The following TNRC6B variants were observed in gnomAD, a reference collection of about 807,000 sequenced individuals.
The protein encoded by TNRC6B is trinucleotide repeat containing adaptor 6B, also known as trinucleotide repeat-containing gene 6B protein.
In TNRC6B, 52 loss-of-function variants were observed where a neutral mutation model predicts 203.6. The observed-to-expected ratio is 0.26, with a 90% CI of 0.20 to 0.32. The LOEUF is 0.32. Among genes scored for constraint, TNRC6B ranks in the 10% least tolerant of loss-of-function variants. TNRC6B has a pLI of 1.00. For synonymous variants in TNRC6B, 838 were observed against 845.7 expected (o/e 0.99, Z 0.16); for missense variants, 1,923 against 2,286.2 (o/e 0.84, Z 3.24).
chr22:40,255,282 T>C (rs1349341300), intron 3 of TNRC6B, among the ~76,000 whole-genome samples: 1 of 152,206 alleles, frequency 6.6e-6, no homozygotes, highest in Non-Finnish European at 1.5e-5. Flanking sequence ...TTAGGTGTTG[T>C]CCTTTGCCAC....
intron 1 of TNRC6B, among the ~76,000 whole-genome samples, chr22:40,196,409 G>T (rs1162560123): frequency 6.6e-6 from 1 of 151,992 alleles, no homozygotes; most frequent in Non-Finnish European, 1.5e-5. Flanking sequence ...GTACTTAATA[G>T]ATCTAGAGGT....
intron 1 of TNRC6B, among the ~76,000 whole-genome samples, chr22:40,048,409 C>T (rs1382468349): frequency 6.6e-6 from 1 of 152,028 alleles, no homozygotes; most frequent in East Asian, 1.9e-4. Flanking sequence ...GGTGTGGCGG[C>T]GCATGCCTGT....
chr22:40,062,646 C>T (rs1297646535), intron 1 of TNRC6B, among the ~76,000 whole-genome samples: 1 of 152,180 alleles, frequency 6.6e-6, no homozygotes, highest in Non-Finnish European at 1.5e-5. Flanking sequence ...TTGTCTGGCA[C>T]TTTTATTGTC....
Position 40,326,913 on chromosome 22 carries a change from C to T in TNRC6B, c.*3672C>T, listed in dbSNP as rs1392454156. ...AACAAGTGATTTTACTTTTTTAGCTCCCAGCTACTGTTGTGCTCGTTTTAA... is the reference window on the plus strand; with the variant it reads ...AACAAGTGATTTTACTTTTTTAGCTTCCAGCTACTGTTGTGCTCGTTTTAA... On this transcript the variant is annotated 3_prime_UTR_variant, in exon 23 of 23. Transcript: ENST00000454349. 1.3e-5 allele frequency: 2 copies of T among 152,608 alleles called. No individual in the cohort carries two copies. The highest frequency in any genetic ancestry group is 2.4e-5 in the African/African-American group (1 of 41,436). 9.5% of individuals were successfully genotyped at this position (152,608 alleles called of 1,614,324 possible).
At chr22:40,291,081 T>G (rs1309326551) in intron 12 of TNRC6B, among the ~76,000 whole-genome samples, 1 of 152,152 alleles carries the variant, frequency 6.6e-6, no homozygotes, top group African/African-American at 2.4e-5. Context: ...ATGAAGCAGT[T>G]GGGTAACTCT....
At chr22:40,124,767 C>T (rs2068473629) in intron 2 of TNRC6B, among the ~76,000 whole-genome samples, 4 of 152,078 alleles carry the variant, frequency 2.6e-5, no homozygotes, top group Admixed American at 2.0e-4. Flanking sequence ...GTAATCCCAG[C>T]ACTTTGGGAG....
chr22:40,263,707 T>C (rs1361258061), intron 4 of TNRC6B, among the ~76,000 whole-genome samples: 1 of 152,152 alleles, frequency 6.6e-6, no homozygotes, highest in East Asian at 1.9e-4. Flanking sequence ...TCCACCAAAA[T>C]ATATGGTGAG....
Position 40,217,984 on chromosome 22 carries a change from A to AAAT in TNRC6B, c.6-28029_6-28028insTAA, listed in dbSNP as rs1472913443. 5.9e-5 allele frequency among the ~76,000 whole-genome samples: 9 copies of AAAT among 151,682 alleles called. 1 individual carries two copies. Among genetic ancestry groups the AAAT allele is most frequent in the Middle Eastern group, 3.4e-3 (1 of 294 alleles). On this transcript the variant is annotated intron_variant, in intron 1 of 22. Transcript: ENST00000454349. ...TAAGACTCCATCTCAAAAAAAAAAA[A>AAAT]AAAAAATTACTGAAATAAGCACAGA...
chr22:40,210,427 C>T (rs1266230611), intron 1 of TNRC6B, among the ~76,000 whole-genome samples: 2 of 152,230 alleles, frequency 1.3e-5, no homozygotes, highest in Non-Finnish European at 2.9e-5. Context: ...CTTTAAAAAA[C>T]AGCTTTGAAA....
At chr22:40,299,531 A>G (rs1483114140) in intron 12 of TNRC6B, among the ~76,000 whole-genome samples, 1 of 152,008 alleles carries the variant, frequency 6.6e-6, no homozygotes, top group Non-Finnish European at 1.5e-5. Flanking sequence ...GAGCCACCAC[A>G]CCCAGCTCTA....
intron 2 of TNRC6B, among the ~76,000 whole-genome samples, chr22:40,249,709 T>C (rs2070159182): frequency 6.6e-6 from 1 of 152,226 alleles, no homozygotes; most frequent in Non-Finnish European, 1.5e-5. Flanking sequence ...TACAATGATA[T>C]AAAACCTAAA....
At chr22:40,135,447 T>C (rs2068591825) in intron 3 of TNRC6B, among the ~76,000 whole-genome samples, 1 of 152,166 alleles carries the variant, frequency 6.6e-6, no homozygotes, top group African/African-American at 2.4e-5. Flanking sequence ...ATTAAACAAA[T>C]TTATTTTATT....
In TNRC6B at chr22:40,229,358, A is replaced by G. The variant is rs1161549433; in HGVS notation, c.6-16657A>G. Among the ~76,000 whole-genome samples, 10 of 152,102 alleles carry G rather than the reference A, an allele frequency of 6.6e-5. No individual in the cohort carries two copies. The East Asian group carries it at 7.7e-4, about 12-fold the overall frequency. On this transcript the variant is annotated intron_variant, in intron 1 of 22. Transcript: ENST00000454349. ...TGTGCACACCCAGGGTGAAATTTCA[A>G]CTGATAAAGGGATCTCACTTACGGG... is the stretch of plus-strand genomic sequence containing the variant.
chr22:40,191,967 T>G (rs1171139357), intron 1 of TNRC6B, among the ~76,000 whole-genome samples: 3 of 152,152 alleles, frequency 2.0e-5, no homozygotes, highest in Non-Finnish European at 4.4e-5. Context: ...GCCAGGCTGG[T>G]CTCAAACTCC....
chr22:40,302,606 C>G (rs565902242), intron 15 of TNRC6B, among the ~76,000 whole-genome samples: 3 of 149,226 alleles, frequency 2.0e-5, no homozygotes, highest in African/African-American at 7.5e-5. Context: ...GCACTCCCAC[C>G]TGGGTGATAG....
At position 40,170,448 on chromosome 22, in the gene TNRC6B, ATT is replaced by A. The variant is rs1420909208; in HGVS notation, c.113+14267_113+14268del. Among the ~76,000 whole-genome samples, 15 of 15,470 alleles carry A rather than the reference ATT, an allele frequency of 9.7e-4. 1 individual carries two copies. The highest frequency in any genetic ancestry group is 1.6e-3 in the African/African-American group (2 of 1,246). 10.1% of individuals were successfully genotyped at this position (15,470 alleles called of 152,430 possible). A position where few individuals can be genotyped will look rare whatever the true frequency, so the allele number is the denominator to read the frequency against. ...TATTATATATATAGTTTATATATAT[ATT>A]ATATATATAGTTTATATATATATTA... On this transcript the variant is annotated intron_variant, in intron 4 of 23. Transcript: ENST00000301923.
At chr22:40,119,301 C>T (rs955281265) in intron 2 of TNRC6B, among the ~76,000 whole-genome samples, 3 of 152,150 alleles carry the variant, frequency 2.0e-5, no homozygotes, top group Non-Finnish European at 4.4e-5. Flanking sequence ...ACACTTGTGT[C>T]GGTCGGACAC....
At chr22:40,183,678 C>T (rs774457187) in intron 1 of TNRC6B, among the ~76,000 whole-genome samples, 1 of 151,622 alleles carries the variant, frequency 6.6e-6, no homozygotes, top group Non-Finnish European at 1.5e-5. Flanking sequence ...GTTTATTTGA[C>T]TAAATTATTA....
chr22:40,096,713 T>TA (rs928041050), intron 1 of TNRC6B, among the ~76,000 whole-genome samples: 1 of 152,096 alleles, frequency 6.6e-6, no homozygotes, highest in Non-Finnish European at 1.5e-5. Flanking sequence ...CGAATGTCTA[T>TA]AAAAAAAAGT....
Sources: gnomAD v4.1 joint callset for allele counts (sites outside exome capture counted in the v4.1 genomes callset) on GRCh38, gnomAD v4.1.1 for gene constraint, MANE v1.5 for transcripts, NCBI Gene and HGNC (gene_info 2026-07-23, HGNC 2026-07-21) for gene names.